The following MLLT10 variants were observed in gnomAD, a reference collection of about 807,000 sequenced individuals.
MLLT10 encodes protein AF-10.
Under a neutral mutation model 129.1 loss-of-function variants are expected in MLLT10, and 30 were observed. The ratio of observed to expected loss-of-function variants is 0.23; its 90% CI spans 0.17 to 0.32. The LOEUF (loss-of-function observed/expected upper bound fraction) is 0.32. Among genes scored for constraint, MLLT10 ranks in the 10% least tolerant of loss-of-function variants. The pLI is 1.00. For missense variants in MLLT10, 1,119 were observed against 1,268.3 expected, an observed-to-expected ratio of 0.88 and a Z score of 1.79; for synonymous variants, 490 against 446.4, an observed-to-expected ratio of 1.10 and a Z score of -1.23.
At chr10:21,554,856 G>A (rs2037665969) in intron 3 of MLLT10, among the ~76,000 whole-genome samples, 2 of 147,084 alleles carry the variant, frequency 1.4e-5, no homozygotes, top group South Asian at 2.2e-4. Flanking sequence ...GAGTTTTGCC[G>A]TGTTTCCCAG....
chr10:21,709,058 T>C (rs752735633), intron 13 of MLLT10, among the ~76,000 whole-genome samples: 7 of 152,182 alleles, frequency 4.6e-5, no homozygotes, highest in Non-Finnish European at 7.4e-5. Flanking sequence ...TTAAGGGTCA[T>C]GTAGGTGACA....
rs1461527850 is a variant in MLLT10 at position 21,742,548 on chromosome 10, T to C, written c.*565T>C. The stretch of plus-strand genomic sequence containing the variant: ...TGTTAAAAAAAAATTTCCTTTCTAA[T>C]GGGATTTGGCCAATTTTGGTAATGA... On this transcript the variant is annotated 3_prime_UTR_variant, in exon 23 of 23. Coordinates refer to ENST00000307729, the MANE Select transcript of MLLT10 (RefSeq NM_001195626.3). 1 of 216,374 alleles carries C rather than the reference T, an allele frequency of 4.6e-6. No homozygotes were observed. Among genetic ancestry groups the C allele is most frequent in the Admixed American group, 5.8e-5 (1 of 17,204 alleles). 13.4% of individuals were successfully genotyped at this position (216,374 alleles called of 1,614,324 possible).
intron 5 of MLLT10, among the ~76,000 whole-genome samples, chr10:21,602,793 A>G (rs948111054): frequency 7.3e-5 from 11 of 151,618 alleles, no homozygotes; most frequent in African/African-American, 2.7e-4. Context: ...CAGTGGCGCA[A>G]TCTCGGCTCA....
chr10:21,696,407 C>G (rs1481018417), intron 13 of MLLT10, among the ~76,000 whole-genome samples: 2 of 152,182 alleles, frequency 1.3e-5, no homozygotes, highest in South Asian at 2.1e-4. Context: ...GTTGTCTGAT[C>G]TGCCTTGTTG....
chr10:21,669,384 T>C (rs952775390), intron 9 of MLLT10, among the ~76,000 whole-genome samples: 1 of 152,294 alleles, frequency 6.6e-6, no homozygotes. Context: ...TTTATTGTCA[T>C]GTTCTCGTTT....
chr10:21,662,274 A>C (rs1589497578), intron 9 of MLLT10, among the ~76,000 whole-genome samples: 1 of 151,894 alleles, frequency 6.6e-6, no homozygotes, highest in South Asian at 2.1e-4. Context: ...ATTCGAGGGG[A>C]AGTTTTTGGA....
chr10:21,556,682 G>C (rs765040759), intron 3 of MLLT10: 10 of 1,612,266 alleles, frequency 6.2e-6, no homozygotes, highest in Non-Finnish European at 7.6e-6. Flanking sequence ...ATCTGAAAAC[G>C]TCACTCCTGG....
intron 11 of MLLT10, among the ~76,000 whole-genome samples, chr10:21,680,969 A>AG: frequency 6.6e-6 from 1 of 152,192 alleles, no homozygotes; most frequent in East Asian, 1.9e-4. Context: ...AAAAAAAAAA[A>AG]GATCTAAAGC....
At chr10:21,616,389 G>A (rs2045258872) in intron 7 of MLLT10, among the ~76,000 whole-genome samples, 2 of 151,918 alleles carry the variant, frequency 1.3e-5, no homozygotes, top group Non-Finnish European at 2.9e-5. Context: ...CATTTGCATG[G>A]AATTTGAACT....
intron 13 of MLLT10, among the ~76,000 whole-genome samples, chr10:21,699,929 T>C (rs1270984111): frequency 6.6e-6 from 1 of 152,198 alleles, no homozygotes; most frequent in Non-Finnish European, 1.5e-5. Context: ...GTTATTTTGA[T>C]AAGGACTGCA....
At chr10:21,637,946 A>C (rs550500549) in intron 8 of MLLT10, among the ~76,000 whole-genome samples, 1 of 152,006 alleles carries the variant, frequency 6.6e-6, no homozygotes, top group Non-Finnish European at 1.5e-5. Context: ...GAGATATTGC[A>C]TCTCTTCCTA....
intron 5 of MLLT10, among the ~76,000 whole-genome samples, chr10:21,610,651 T>C (rs1192200985): frequency 6.6e-6 from 1 of 151,600 alleles, no homozygotes; most frequent in Non-Finnish European, 1.5e-5. Context: ...AATTATCATA[T>C]TTTTAAGTTT....
rs542368693 is a variant in MLLT10 at position 21,662,311 on chromosome 10, C to T, written c.796-8138C>T. On this transcript the variant is annotated intron_variant, in intron 9 of 22. Coordinates refer to ENST00000307729, the MANE Select transcript of MLLT10 (RefSeq NM_001195626.3). ...GTTATGATTTCAAATATTGCTTCTT[C>T]TCTTTTCTTCTCTTCCCTGTATTCC... Among the ~76,000 whole-genome samples, 16 of 152,218 alleles carry T rather than the reference C, an allele frequency of 1.1e-4. No individual in the cohort carries two copies. In the South Asian group the frequency reaches 3.3e-3, roughly 32 times the overall value.
intron 8 of MLLT10, among the ~76,000 whole-genome samples, chr10:21,620,012 C>G (rs1042175611): frequency 2.6e-5 from 4 of 151,554 alleles, no homozygotes; most frequent in Non-Finnish European, 4.4e-5. Context: ...TCACTGCAAC[C>G]TCTGCCTCCC....
At chr10:21,616,042 C>A (rs1184670556) in intron 7 of MLLT10, among the ~76,000 whole-genome samples, 1 of 152,056 alleles carries the variant, frequency 6.6e-6, no homozygotes, top group Non-Finnish European at 1.5e-5. Context: ...CAAGGGGCCC[C>A]TGTTTTATGA....
chr10:21,550,638 T>A (rs2036847586), intron 3 of MLLT10, among the ~76,000 whole-genome samples: 1 of 152,126 alleles, frequency 6.6e-6, no homozygotes, highest in Non-Finnish European at 1.5e-5. Flanking sequence ...TTGGAGCGAT[T>A]CACCTTCCTT....
chr10:21,724,320 T>C (rs1271698221), intron 14 of MLLT10, among the ~76,000 whole-genome samples: 2 of 152,262 alleles, frequency 1.3e-5, no homozygotes, highest in East Asian at 3.8e-4. Context: ...TTTCATGCTT[T>C]GTAAGTGGGC....
intron 13 of MLLT10, chr10:21,688,438 T>C (rs1266067820): frequency 6.7e-7 from 1 of 1,482,686 alleles, no homozygotes; most frequent in African/African-American, 1.4e-5. Context: ...GTCATGGTGG[T>C]TTTTAGGAAG....
At chr10:21,535,743 G>A (rs531269942) in intron 2 of MLLT10, among the ~76,000 whole-genome samples, 8 of 152,264 alleles carry the variant, frequency 5.3e-5, no homozygotes, top group Non-Finnish European at 1.2e-4. Flanking sequence ...CTGGCATTAA[G>A]CGATGCATAT....
Sources: allele counts gnomAD v4.1 joint callset (sites outside exome capture counted in the v4.1 genomes callset), GRCh38; gene constraint gnomAD v4.1.1; transcripts MANE v1.5; gene names NCBI Gene and HGNC (gene_info 2026-07-23, HGNC 2026-07-21).